Variants in ITPRID1 observed in about 807,000 individuals in gnomAD.
The protein encoded by ITPRID1 is protein ITPRID1.
In ITPRID1, 96 loss-of-function variants were observed where a neutral mutation model predicts 95.4. The observed-to-expected ratio is 1.01, with a 90% confidence interval of 0.85 to 1.19. ITPRID1 has a LOEUF of 1.19. ITPRID1 is among the 50% of genes most tolerant of loss of function. The pLI, the probability that ITPRID1 is intolerant of heterozygous loss-of-function variation, is 0.00. For missense variants in ITPRID1, 1,339 were observed against 1,252.9 expected, an observed-to-expected ratio of 1.07 and a Z score of -1.04; for synonymous variants, 510 against 453.6, an observed-to-expected ratio of 1.12 and a Z score of -1.58.
chr7:31,531,151 A>G (rs946302819), intron 1 of ITPRID1, among the ~76,000 whole-genome samples: 1 of 152,224 alleles, frequency 6.6e-6, no homozygotes, highest in Non-Finnish European at 1.5e-5. Flanking sequence ...ACTGACCAGA[A>G]TATCAGAGCA....
At chr7:31,630,613 G>A (rs1220566160) in intron 10 of ITPRID1, among the ~76,000 whole-genome samples, 8 of 152,036 alleles carry the variant, frequency 5.3e-5, no homozygotes, top group African/African-American at 7.2e-5. Flanking sequence ...GATCTGCATC[G>A]AGTATGTCAC....
chr7:31,515,267 C>T (rs1024291365), intron 1 of ITPRID1, among the ~76,000 whole-genome samples: 1 of 148,696 alleles, frequency 6.7e-6, no homozygotes, highest in Middle Eastern at 3.5e-3. Context: ...AAATGCTCTG[C>T]TTTCTACAGC....
intron 10 of ITPRID1, among the ~76,000 whole-genome samples, chr7:31,592,235 T>G (rs1454852005): frequency 1.3e-5 from 2 of 152,152 alleles, no homozygotes; most frequent in African/African-American, 4.8e-5. Flanking sequence ...GAGCATGAAT[T>G]TTGGAGCCAG....
At chr7:31,591,940 G>A (rs1785883343) in intron 10 of ITPRID1, among the ~76,000 whole-genome samples, 1 of 152,188 alleles carries the variant, frequency 6.6e-6, no homozygotes, top group Non-Finnish European at 1.5e-5. Flanking sequence ...AGGATATGGT[G>A]GGGTGAGATT....
chr7:31,577,558 T>A (rs745340273), intron 8 of ITPRID1, among the ~76,000 whole-genome samples: 11 of 152,244 alleles, frequency 7.2e-5, no homozygotes, highest in Non-Finnish European at 1.6e-4. Context: ...GATTCACCGA[T>A]GCCTACCGTT....
At chr7:31,586,372 G>T (rs1010262445) in intron 10 of ITPRID1, among the ~76,000 whole-genome samples, 1 of 151,342 alleles carries the variant, frequency 6.6e-6, no homozygotes, top group African/African-American at 2.4e-5. Context: ...GGATGGCTGG[G>T]TCAAATGGTA....
rs1784298365 is a variant in ITPRID1, at chr7:31,551,995, T to C, written c.-23-1007T>C. On this transcript the variant is annotated intron_variant, in intron 2 of 14. Coordinates refer to ENST00000615280, the MANE Select transcript of ITPRID1 (RefSeq NM_001257967.3). The stretch of plus-strand genomic sequence containing the variant: ...GTATTTGTTGATTCACCACCTACTA[T>C]GTGCCAAAAATCCAGTTAAATTCTA... The C allele has an allele frequency of 7.8e-6, 3 of 383,434 alleles. No homozygotes were observed. In the Admixed American group the frequency reaches 8.9e-5, roughly 11 times the overall value. The allele number at this position is 383,434 out of a possible 1,614,324, so 23.8% of individuals were successfully genotyped here. A position where few individuals can be genotyped will look rare whatever the true frequency, so the allele number is the denominator to read the frequency against.
At chr7:31,524,147 G>A (rs956361832) in intron 1 of ITPRID1, among the ~76,000 whole-genome samples, 11 of 152,098 alleles carry the variant, frequency 7.2e-5, no homozygotes, top group Non-Finnish European at 1.5e-5. Context: ...CAAGGTGTAG[G>A]TAAGATGAGT....
chr7:31,643,944 G>A lies in ITPRID1; in HGVS notation c.2574G>A (p.Glu858=), dbSNP rs774056553. 3 of 1,608,742 alleles carry A rather than the reference G, an allele frequency of 1.9e-6. No individual in the cohort carries two copies. The highest frequency in any genetic ancestry group is 2.5e-6 in the Non-Finnish European group (3 of 1,177,646). The part of the protein sequence containing the change: ...LKALQDTTVR[E]LCSCTVHEME... ...CCCTTCAGGACACTACAGTGAGGGA[G>A]CTATGTTCCGTAAGTGTTCACCCTG... The change falls in exon 12 of 15, where the codon GAG becomes GAA. Residue 858 remains glutamate, a synonymous_variant. Coordinates refer to ENST00000615280, the MANE Select transcript of ITPRID1 (RefSeq NM_001257967.3).
intron 10 of ITPRID1, among the ~76,000 whole-genome samples, chr7:31,622,075 C>T (rs1218660860): frequency 5.0e-5 from 7 of 140,300 alleles, no homozygotes; most frequent in Non-Finnish European, 9.3e-5. Flanking sequence ...TATATATGCA[C>T]CCAATACAGG....
intron 10 of ITPRID1, among the ~76,000 whole-genome samples, chr7:31,638,313 A>T (rs1457605027): frequency 2.0e-5 from 3 of 152,216 alleles, no homozygotes; most frequent in Non-Finnish European, 4.4e-5. Context: ...ATAAATATAT[A>T]GTGAGTATAC....
intron 9 of ITPRID1, among the ~76,000 whole-genome samples, chr7:31,579,826 C>T (rs115856715): frequency 6.6e-6 from 1 of 151,838 alleles, no homozygotes. Flanking sequence ...AAATGTTAAA[C>T]TGAATTTAAG....
chr7:31,553,007 T>C lies in ITPRID1; in HGVS notation c.-18T>C. 3 of 1,604,398 alleles carry C rather than the reference T, an allele frequency of 1.9e-6. No homozygotes were observed. The highest frequency in any genetic ancestry group is 2.6e-6 in the Non-Finnish European group (3 of 1,175,386). ...TTGTGTGTGTGTGTTTTAAGTTAGT[T>C]TGCAGAATTACTCTCCTATGATGGC... On this transcript the variant is annotated 5_prime_UTR_variant, in exon 3 of 15. Coordinates refer to ENST00000615280, the MANE Select transcript of ITPRID1 (RefSeq NM_001257967.3).
intron 8 of ITPRID1, among the ~76,000 whole-genome samples, chr7:31,576,007 T>C (rs922012044): frequency 6.6e-5 from 10 of 152,206 alleles, no homozygotes; most frequent in Non-Finnish European, 5.9e-5. Flanking sequence ...GAGATGCAAA[T>C]TCTTTGATCA....
chr7:31,640,455 T>C (rs1789917381), intron 10 of ITPRID1, among the ~76,000 whole-genome samples: 1 of 152,230 alleles, frequency 6.6e-6, no homozygotes, highest in Non-Finnish European at 1.5e-5. Context: ...TCAGTCTTTT[T>C]GGACTCCTAG....
chr7:31,632,077 C>T (rs1480927953), intron 10 of ITPRID1, among the ~76,000 whole-genome samples: 1 of 152,178 alleles, frequency 6.6e-6, no homozygotes, highest in Non-Finnish European at 1.5e-5. Context: ...AGAATATTAA[C>T]AGTGACTTGT....
intron 3 of ITPRID1, 143 bp from the exon 4 acceptor site, chr7:31,554,332 G>A: frequency 7.4e-7 from 1 of 1,349,142 alleles, no homozygotes; most frequent in Non-Finnish European, 9.6e-7. Context: ...TTGCCTTCAG[G>A]AAAAAAAATG....
intron 10 of ITPRID1, among the ~76,000 whole-genome samples, chr7:31,635,800 G>A (rs189308423): frequency 2.7e-3 from 408 of 152,144 alleles, no homozygotes; most frequent in Middle Eastern, 0.014. Flanking sequence ...CAGAGGAGAG[G>A]AACAGGAAAA....
chr7:31,554,754 A>G (rs1784393924), intron 4 of ITPRID1, 104 bp from the exon 5 acceptor site: 1 of 1,102,096 alleles, frequency 9.1e-7, no homozygotes, highest in Admixed American at 2.2e-5. Context: ...CTCTCTTACT[A>G]AAACCTAACT....
Sources: allele counts gnomAD v4.1 joint callset (sites outside exome capture counted in the v4.1 genomes callset), GRCh38; gene constraint gnomAD v4.1.1; transcripts MANE v1.5; gene names NCBI Gene and HGNC (gene_info 2026-07-23, HGNC 2026-07-21).